ABCC10: variants seen among roughly 807,000 people sequenced by gnomAD.
ABCC10 encodes ATP-binding cassette sub-family C member 10.
A neutral mutation model predicts 143.2 loss-of-function variants in ABCC10; 110 were observed. The observed-to-expected ratio is 0.77, with a 90% CI of 0.66 to 0.90. The LOEUF is 0.90. ABCC10 is among the 40% of genes least tolerant of loss of function. The probability of loss-of-function intolerance (pLI) is 0.00; values close to 1 mark genes in which losing one functional copy is unlikely to be tolerated. For missense variants in ABCC10, 1,700 were observed against 1,900.5 expected (o/e 0.89, Z 1.96); for synonymous variants, 805 against 846.7 (o/e 0.95, Z 0.85).
chr6:43,428,905 G>A (rs1435977254), intron 2 of ABCC10, among the ~76,000 whole-genome samples: 1 of 152,176 alleles, frequency 6.6e-6, no homozygotes, highest in Non-Finnish European at 1.5e-5. Flanking sequence ...TTCTGAGAAG[G>A]CTGTCTATGC....
At chr6:43,440,927 AAAAC>A (rs1782369615) in intron 8 of ABCC10, among the ~76,000 whole-genome samples, 5 of 150,390 alleles carry the variant, frequency 3.3e-5, no homozygotes, top group South Asian at 2.1e-4. Flanking sequence ...ACAAAAAAAA[AAAAC>A]AAACAAACAA....
rs2150784189 is a variant in ABCC10, at chr6:43,427,760, G to A, written c.-12+3G>A. 6.6e-6 allele frequency: 4 copies of A among 610,584 alleles called. No individual in the cohort carries two copies. The East Asian group carries it at 1.1e-4, about 17-fold the overall frequency. 37.8% of individuals were successfully genotyped at this position (610,584 alleles called of 1,614,324 possible). On this transcript the variant is annotated splice_donor_region_variant and intron_variant, in intron 1 of 21. Transcript: ENST00000372530. ...GGAGGGGAAAAACAGATGGCAAGGT[G>A]GGTGACCAGCGTCCAGAAATCCACT...
At position 43,444,878 on chromosome 6, in the gene ABCC10, G is replaced by T; in HGVS notation, c.2780G>T (p.Ser927Ile). The T allele has an allele frequency of 6.2e-7, 1 of 1,614,014 alleles. No homozygotes were observed. Among genetic ancestry groups the T allele is most frequent in the Non-Finnish European group, 8.5e-7 (1 of 1,179,948 alleles). Residue 927 changes from serine to isoleucine, a missense_variant, in exon 13 of 22, where the codon AGC becomes ATC. Physicochemically the swap from Ser to Ile is moderately radical, Grantham distance 142 (BLOSUM62 -2). Coordinates refer to ENST00000372530, the MANE Select transcript of ABCC10 (RefSeq NM_001198934.2). ...NSSQEAQPST[S>I]PASMGLFSPQ... ...TCCCAGGAGGCGCAACCCTCCACCA[G>T]CCCAGCTTCTATGGGGCTCTTCTCT...
intron 8 of ABCC10, 49 bp from the exon 9 acceptor site, chr6:43,441,813 C>A: frequency 6.7e-7 from 1 of 1,503,368 alleles, no homozygotes; most frequent in Admixed American, 1.7e-5. Context: ...GGAAGTGGGC[C>A]AGAAGGTAAT....
rs186099155 is a variant in ABCC10, at chr6:43,443,761, G to A, written c.2417-172G>A. The A allele has an allele frequency of 1.9e-3, 1,215 of 645,998 alleles. 2 individuals carry two copies. Among genetic ancestry groups the A allele is most frequent in the Admixed American group, 2.8e-3 (110 of 39,638 alleles). 40.0% of individuals were successfully genotyped at this position (645,998 alleles called of 1,614,324 possible). Reference sequence around the variant, plus strand: ...GAGGTCTAGGGGTATCCAGAGCAGGGTGGGTTAGAGAGGGAGGCCTAAGAG... The same window carrying A: ...GAGGTCTAGGGGTATCCAGAGCAGGATGGGTTAGAGAGGGAGGCCTAAGAG... On this transcript the variant is annotated intron_variant, in intron 10 of 21. Transcript: ENST00000372530. The surrounding 1 kb of genome is among the most constrained non-coding windows in gnomAD (Gnocchi z 4.2).
chr6:43,445,604 A>G lies in ABCC10; in HGVS notation c.3036A>G (p.Pro1012=), dbSNP rs755479350. The G allele has an allele frequency of 1.9e-5, 31 of 1,608,230 alleles. No individual in the cohort carries two copies. In the Admixed American group the frequency reaches 3.8e-4, roughly 20 times the overall value. ...AATCAGCGTCCTTCTCCCAGGCACC[A>G]GTGACTTTCTTCAATGCCACACCCA... The part of the protein sequence containing the change: ...RRLLHRVLMA[P]VTFFNATPTG... Residue 1012 remains proline, a synonymous_variant, in exon 15 of 22, where the codon CCA becomes CCG. Coordinates refer to ENST00000372530, the MANE Select transcript of ABCC10 (RefSeq NM_001198934.2).
At position 43,434,747 on chromosome 6, in the gene ABCC10, G is replaced by A. The variant is rs774424598; in HGVS notation, c.1507G>A (p.Asp503Asn). Residue 503 changes from aspartate (D) to asparagine (N), a missense_variant, in exon 4 of 22, where the codon GAT becomes AAT. By Grantham distance (23) the Asp-to-Asn change is conservative (BLOSUM62 1). Transcript: ENST00000372530. ...GCGACTCCGGGTCATCAAATACCTG[G>A]ATGCGGCCTGTGTATACCTGTGGGC... is the stretch of plus-strand genomic sequence containing the variant. ...LGRLRVIKYL[D>N]AACVYLWAAL... The A allele has an allele frequency of 3.1e-6, 5 of 1,614,192 alleles. No homozygotes were observed. The highest frequency in any genetic ancestry group is 4.2e-6 in the Non-Finnish European group (5 of 1,180,036).
chr6:43,431,295 T>A (rs1781092812), intron 2 of ABCC10, among the ~76,000 whole-genome samples: 2 of 152,222 alleles, frequency 1.3e-5, no homozygotes, highest in Non-Finnish European at 2.9e-5. Flanking sequence ...TTAAGGGTAC[T>A]GTTAGGTGGA....
At chr6:43,450,429 G>A, downstream of ABCC10, 1 of 1,234,554 alleles carries the variant, frequency 8.1e-7, no homozygotes, top group South Asian at 1.7e-5. The surrounding 1 kb of genome is among the most constrained non-coding windows in gnomAD (Gnocchi z 4.5). Context: ...CTGGTGTGAG[G>A]CTGAGGTCTC....
intron 6 of ABCC10, among the ~76,000 whole-genome samples, chr6:43,437,352 CA>C (rs780140758): frequency 1.4e-5 from 2 of 147,570 alleles, no homozygotes; most frequent in Non-Finnish European, 3.0e-5. Flanking sequence ...TCTGAGAGCC[CA>C]GTCCCTTCTA....
chr6:43,434,752 G>A lies in ABCC10; in HGVS notation c.1512G>A (p.Ala504=), dbSNP rs200774822. The A allele has an allele frequency of 2.5e-4, 402 of 1,614,134 alleles. 2 individuals are homozygous for A. Among genetic ancestry groups the A allele is most frequent in the Admixed American group, 1.4e-3 (87 of 60,020 alleles). Residue 504 remains alanine, a synonymous_variant, in exon 4 of 22, where the codon GCG becomes GCA. Coordinates refer to ENST00000372530, the MANE Select transcript of ABCC10 (RefSeq NM_001198934.2). The part of the protein sequence containing the change: ...GRLRVIKYLD[A]ACVYLWAALP... ...TCCGGGTCATCAAATACCTGGATGC[G>A]GCCTGTGTATACCTGTGGGCTGCCC...
At chr6:43,433,423 C>A in intron 3 of ABCC10, 63 bp downstream of exon 3, 1 of 1,517,338 alleles carries the variant, frequency 6.6e-7, no homozygotes, top group Non-Finnish European at 8.8e-7. Flanking sequence ...GTCCCCAGGT[C>A]TTCCCATGCA....
chr6:43,438,101 C>A, intron 7 of ABCC10, 88 bp downstream of exon 7: 1 of 1,413,492 alleles, frequency 7.1e-7, no homozygotes, highest in Non-Finnish European at 9.8e-7. Context: ...TTTTGGGGGT[C>A]AGGGGTACTA....
At chr6:43,442,946 C>G in intron 9 of ABCC10, 24 bp from the exon 10 acceptor site, 1 of 1,543,338 alleles carries the variant, frequency 6.5e-7, no homozygotes, top group Non-Finnish European at 8.7e-7. Context: ...TCCTGGTGCC[C>G]ACGGTACCCT....
chr6:43,442,033 A>G, intron 9 of ABCC10, 73 bp downstream of exon 9: 2 of 1,314,440 alleles, frequency 1.5e-6, no homozygotes, highest in Non-Finnish European at 2.2e-6. Context: ...TGGCTGAGTT[A>G]GGAGGATAGG....
chr6:43,445,197 T>C lies in ABCC10; in HGVS notation c.2913T>C (p.Tyr971=), dbSNP rs2125740. The C allele has an allele frequency of 0.011, 16,985 of 1,614,042 alleles. 1,464 individuals are homozygous for C. In the African/African-American group the frequency reaches 0.2, roughly 19 times the overall value. The change falls in exon 14 of 22, where the codon TAT becomes TAC. Residue 971 remains tyrosine (Y), a synonymous_variant. Coordinates refer to ENST00000372530, the MANE Select transcript of ABCC10 (RefSeq NM_001198934.2). ...SSDIRFYLTV[Y]ATIAGVNSLC... ...ACATCCGTTTCTACCTCACCGTGTA[T>C]GCGACCATTGCTGGTGTAAATTCCC...
intron 4 of ABCC10, 22 bp downstream of exon 4, chr6:43,434,870 G>A: frequency 6.2e-7 from 1 of 1,608,272 alleles, no homozygotes; most frequent in Non-Finnish European, 8.5e-7. Context: ...GAAGGAAGGG[G>A]ACCAGCATCA....
Position 43,443,717 on chromosome 6 carries a change from A to T in ABCC10, c.2417-216A>T. On this transcript the variant is annotated intron_variant, in intron 10 of 21. Transcript: ENST00000372530. This position sits in a 1 kb window ranked among gnomAD's most constrained non-coding sequence, Gnocchi z 4.2. ...CTGGTCGGAATCAAGGTTTACAAGG[A>T]TGGACTTGAGTCCTGCTCGAGGTCT... The T allele has an allele frequency of 1.9e-6, 1 of 540,516 alleles. No individual in the cohort carries two copies. Among genetic ancestry groups the T allele is most frequent in the South Asian group, 2.4e-5 (1 of 42,108 alleles). 33.5% of individuals were successfully genotyped at this position (540,516 alleles called of 1,614,324 possible).
At chr6:43,444,707 G>A (rs541251905) in intron 12 of ABCC10, 81 bp from the exon 13 acceptor site, 2 of 1,503,726 alleles carry the variant, frequency 1.3e-6, no homozygotes, top group East Asian at 4.6e-5. Flanking sequence ...CCAGAGGCAA[G>A]GGCGGAGAAA....
Sources: gnomAD v4.1 joint callset for allele counts (sites outside exome capture counted in the v4.1 genomes callset) on GRCh38, gnomAD v4.1.1 for gene constraint, Gnocchi (gnomAD v3.1) non-coding constraint, MANE v1.5 for transcripts, NCBI Gene and HGNC (gene_info 2026-07-23, HGNC 2026-07-21) for gene names.